Variants in C7orf78 observed in about 807,000 individuals in gnomAD.
C7orf78 encodes chromosome 7 open reading frame 78.
chr7:12,538,745 G>T, the C7orf78 span, among the ~76,000 whole-genome samples: 6,339 of 152,030 alleles, frequency 0.042, 482 homozygotes, highest in African/African-American at 0.15. Context: ...CCCTCCATAC[G>T]GCTCACCAAA....
chr7:12,511,899 C>T, the C7orf78 span, among the ~76,000 whole-genome samples: 1 of 149,880 alleles, frequency 6.7e-6, no homozygotes, highest in Admixed American at 6.6e-5. Flanking sequence ...CTACAGGCGC[C>T]CACCACCACA....
the C7orf78 span, among the ~76,000 whole-genome samples, chr7:12,534,354 A>C: frequency 6.6e-6 from 1 of 152,250 alleles, no homozygotes; most frequent in Non-Finnish European, 1.5e-5. Flanking sequence ...AAAGAAGTAA[A>C]TTCATGTGGA....
the C7orf78 span, among the ~76,000 whole-genome samples, chr7:12,486,049 A>G: frequency 1.3e-5 from 2 of 152,254 alleles, no homozygotes; most frequent in Middle Eastern, 6.8e-3. Context: ...TGCTGACAAT[A>G]TCAAAACTAA....
chr7:12,500,339 TAGTA>T, the C7orf78 span, among the ~76,000 whole-genome samples: 1 of 150,942 alleles, frequency 6.6e-6, no homozygotes, highest in African/African-American at 2.4e-5. Flanking sequence ...CTAGCAAGAC[TAGTA>T]AAGAAAAAAA....
chr7:12,486,201 G>T, the C7orf78 span, among the ~76,000 whole-genome samples: 1 of 152,068 alleles, frequency 6.6e-6, no homozygotes, highest in Non-Finnish European at 1.5e-5. Context: ...TTCCAACATA[G>T]CTTTCTCTAT....
chr7:12,499,893 G>A, the C7orf78 span, among the ~76,000 whole-genome samples: 10 of 139,624 alleles, frequency 7.2e-5, no homozygotes, highest in African/African-American at 1.3e-4. Context: ...TCAGACCACA[G>A]TGCAATCAAA....
At chr7:12,488,657 T>G in the C7orf78 span, among the ~76,000 whole-genome samples, 1 of 151,878 alleles carries the variant, frequency 6.6e-6, no homozygotes, top group Non-Finnish European at 1.5e-5. Context: ...CAGAGTGGTT[T>G]GAAACAGCTC....
the C7orf78 span, chr7:12,504,618 C>G: frequency 1.3e-5 from 2 of 152,030 alleles, no homozygotes; most frequent in Admixed American, 6.6e-5. Context: ...TCTTGTTTGT[C>G]AAACTGACTA....
chr7:12,539,432 C>T, the C7orf78 span, among the ~76,000 whole-genome samples: 2 of 152,098 alleles, frequency 1.3e-5, no homozygotes, highest in African/African-American at 2.4e-5. Context: ...CCACTGCACT[C>T]CAGCCTGGGT....
the C7orf78 span, among the ~76,000 whole-genome samples, chr7:12,507,785 A>T: frequency 1.3e-5 from 2 of 152,170 alleles, no homozygotes; most frequent in Non-Finnish European, 1.5e-5. Context: ...CATGTATGTT[A>T]TGTGTAATTG....
At chr7:12,522,968 C>T in the C7orf78 span, 1 of 398,120 alleles carries the variant, frequency 2.5e-6, no homozygotes, top group Non-Finnish European at 4.4e-6. Context: ...ATGTGTGTTG[C>T]AGATTCCTCC....
chr7:12,511,684 G>GA, the C7orf78 span, among the ~76,000 whole-genome samples: 3 of 152,188 alleles, frequency 2.0e-5, no homozygotes, highest in Middle Eastern at 3.4e-3. Flanking sequence ...TTGGTGTATA[G>GA]AAACACTACT....
the C7orf78 span, chr7:12,491,233 A>G: frequency 1.3e-5 from 2 of 152,212 alleles, no homozygotes; most frequent in African/African-American, 4.8e-5. Flanking sequence ...GCCAATTCAA[A>G]TCCTCTTAAT....
the C7orf78 span, chr7:12,507,146 A>T: frequency 5.7e-6 from 1 of 174,142 alleles, no homozygotes; most frequent in African/African-American, 2.6e-5. Flanking sequence ...TAAAAATACA[A>T]AAAAAAAAAA....
At chr7:12,527,343 A>G in the C7orf78 span, among the ~76,000 whole-genome samples, 1 of 129,782 alleles carries the variant, frequency 7.7e-6, no homozygotes, top group Non-Finnish European at 1.6e-5. Flanking sequence ...CAGCTTTCCT[A>G]GTATATGCTG....
chr7:12,527,413 T>A, the C7orf78 span, among the ~76,000 whole-genome samples: 7 of 94,926 alleles, frequency 7.4e-5, no homozygotes, highest in Admixed American at 3.7e-4. Flanking sequence ...GGAACATATC[T>A]ACTTTCCTAG....
chr7:12,502,864 A>G, the C7orf78 span, among the ~76,000 whole-genome samples: 4 of 145,686 alleles, frequency 2.7e-5, no homozygotes, highest in East Asian at 7.9e-4. Flanking sequence ...CTGGATTAAG[A>G]AAATGTGGCA....
At chr7:12,538,768 A>G in the C7orf78 span, among the ~76,000 whole-genome samples, 1 of 152,154 alleles carries the variant, frequency 6.6e-6, no homozygotes. Context: ...GCGTGAGTAC[A>G]GAAGACCCCC....
At chr7:12,541,066 G>C in the C7orf78 span, 1 of 152,190 alleles carries the variant, frequency 6.6e-6, no homozygotes, top group Non-Finnish European at 1.5e-5. Context: ...GCATGAGAAA[G>C]TGCTAAAACA....
Sources: allele counts gnomAD v4.1 joint callset (sites outside exome capture counted in the v4.1 genomes callset), GRCh38; gene constraint gnomAD v4.1.1; transcripts MANE v1.5; gene names NCBI Gene and HGNC (gene_info 2026-07-23, HGNC 2026-07-21).